The following RAB38 variants were observed in gnomAD, a reference collection of about 807,000 sequenced individuals.
RAB38 encodes the protein RAB38, member RAS oncogene family.
A neutral mutation model predicts 18.4 loss-of-function variants in RAB38; 15 were observed. The observed-to-expected ratio is 0.82, with a 90% CI of 0.55 to 1.26. The LOEUF (loss-of-function observed/expected upper bound fraction) is 1.26. Ranked by LOEUF, RAB38 falls within the 50% of genes most tolerant of loss-of-function variation. The pLI, the probability that RAB38 is intolerant of heterozygous loss-of-function variation, is 0.00. For missense variants in RAB38, 294 were observed against 267.4 expected, an observed-to-expected ratio of 1.10 and a Z score of -0.69; for synonymous variants, 101 against 104.4, an observed-to-expected ratio of 0.97 and a Z score of 0.20.
chr11:87,815,281 A>G, the RAB38 span: 1 of 152,190 alleles, frequency 6.6e-6, no homozygotes, highest in Non-Finnish European at 1.5e-5. Context: ...ATGGGAGATC[A>G]AAGGGCTAGT....
chr11:87,893,677 T>C, the RAB38 span, among the ~76,000 whole-genome samples: 2 of 151,658 alleles, frequency 1.3e-5, no homozygotes, highest in South Asian at 4.1e-4. Flanking sequence ...TTTCCAATCC[T>C]CTTCCTCTCG....
the RAB38 span, among the ~76,000 whole-genome samples, chr11:87,955,036 G>C: frequency 6.6e-6 from 1 of 152,196 alleles, no homozygotes; most frequent in South Asian, 2.1e-4. Context: ...ACTGCAAAAG[G>C]AGCACAGCAG....
the RAB38 span, among the ~76,000 whole-genome samples, chr11:87,937,087 G>A: frequency 6.6e-6 from 1 of 151,628 alleles, no homozygotes. Context: ...TAATCATGAA[G>A]TATAATTATA....
chr11:88,100,549 T>C, the RAB38 span, among the ~76,000 whole-genome samples: 26 of 151,960 alleles, frequency 1.7e-4, no homozygotes, highest in Non-Finnish European at 2.8e-4. Context: ...GTGATTAAAA[T>C]AGATTATTAA....
chr11:88,023,448 A>G, the RAB38 span, among the ~76,000 whole-genome samples: 2 of 152,068 alleles, frequency 1.3e-5, no homozygotes, highest in South Asian at 4.1e-4. Flanking sequence ...TGGAAGAATC[A>G]ATGTTGTTAA....
rs1315670456 is a variant in RAB38 at position 88,174,633 on chromosome 11, AAAAAAAAAC to A, written c.202+541_202+549del. ...GTAAGCAAAAAGCAAAAAAAAAAAAAAAAAAAAACAAAACAAAAACCCTCAAACTCCTTT... is the reference window on the plus strand; with the variant it reads ...GTAAGCAAAAAGCAAAAAAAAAAAAAAAAACAAAAACCCTCAAACTCCTTT... On this transcript the variant is annotated intron_variant, in intron 1 of 2. Coordinates refer to ENST00000243662, the MANE Select transcript of RAB38 (RefSeq NM_022337.3). Among the ~76,000 whole-genome samples the A allele has an allele frequency of 3.4e-5, 5 of 149,060 alleles. No individual in the cohort carries two copies. In the East Asian group the frequency reaches 7.8e-4, roughly 23 times the overall value.
the RAB38 span, among the ~76,000 whole-genome samples, chr11:88,068,697 A>G: frequency 6.6e-6 from 1 of 152,268 alleles, no homozygotes; most frequent in Non-Finnish European, 1.5e-5. Context: ...CAACTTTCTC[A>G]GTCAGGCTGT....
At chr11:87,816,563 A>G in the RAB38 span, 1 of 152,050 alleles carries the variant, frequency 6.6e-6, no homozygotes, top group African/African-American at 2.4e-5. Flanking sequence ...AATATATATG[A>G]TCTATAGGAT....
At chr11:88,053,242 CACACAT>C in the RAB38 span, among the ~76,000 whole-genome samples, 1 of 115,006 alleles carries the variant, frequency 8.7e-6, no homozygotes, top group East Asian at 2.4e-4. Context: ...TATATATATA[CACACAT>C]ATATATGGAA....
the RAB38 span, among the ~76,000 whole-genome samples, chr11:88,045,839 G>A: frequency 1.3e-5 from 2 of 152,060 alleles, no homozygotes; most frequent in African/African-American, 2.4e-5. Context: ...GGTATTGACG[G>A]CCAGGCTTCT....
At chr11:87,974,180 G>C in the RAB38 span, among the ~76,000 whole-genome samples, 1 of 151,166 alleles carries the variant, frequency 6.6e-6, no homozygotes, top group African/African-American at 2.4e-5. Context: ...CCAGTTATTA[G>C]AATTTGCAGA....
chr11:88,061,970 A>G, the RAB38 span: 1 of 152,078 alleles, frequency 6.6e-6, no homozygotes, highest in Non-Finnish European at 1.5e-5. Flanking sequence ...TTTTTATTTC[A>G]AATTGCAACT....
the RAB38 span, among the ~76,000 whole-genome samples, chr11:87,849,664 C>T: frequency 2.0e-5 from 3 of 152,096 alleles, no homozygotes; most frequent in African/African-American, 7.2e-5. Flanking sequence ...GCCAGCTGGA[C>T]ATAGTGTTTA....
chr11:88,165,696 G>A (rs1943236743), intron 1 of RAB38: 2 of 152,066 alleles, frequency 1.3e-5, no homozygotes, highest in African/African-American at 4.8e-5. Flanking sequence ...TAACACATTT[G>A]AAACTATTAA....
the RAB38 span, among the ~76,000 whole-genome samples, chr11:87,869,462 A>G: frequency 1.6e-4 from 25 of 151,658 alleles, no homozygotes; most frequent in African/African-American, 5.8e-4. Flanking sequence ...TTACTCTACT[A>G]TAGTGCATCT....
the RAB38 span, among the ~76,000 whole-genome samples, chr11:87,951,909 C>G: frequency 2.0e-5 from 3 of 152,162 alleles, no homozygotes; most frequent in Admixed American, 1.3e-4. Flanking sequence ...GGGAGAACCA[C>G]TACTCTCTTC....
the RAB38 span, among the ~76,000 whole-genome samples, chr11:88,078,511 G>A: frequency 6.6e-6 from 1 of 151,524 alleles, no homozygotes; most frequent in African/African-American, 2.4e-5. Context: ...ATGTGTGTGT[G>A]TGTGTGTGTA....
At chr11:87,944,290 A>G in the RAB38 span, among the ~76,000 whole-genome samples, 1 of 152,174 alleles carries the variant, frequency 6.6e-6, no homozygotes, top group Admixed American at 6.6e-5. Context: ...AAAAACAAAA[A>G]GCATTATCTG....
chr11:87,935,304 C>A, the RAB38 span, among the ~76,000 whole-genome samples: 1 of 151,988 alleles, frequency 6.6e-6, no homozygotes, highest in Non-Finnish European at 1.5e-5. Context: ...CATCTTCCCC[C>A]TTTTCTTCAT....
Sources: gnomAD v4.1 joint callset for allele counts (sites outside exome capture counted in the v4.1 genomes callset) on GRCh38, gnomAD v4.1.1 for gene constraint, MANE v1.5 for transcripts, NCBI Gene and HGNC (gene_info 2026-07-23, HGNC 2026-07-21) for gene names.